Variants in DSCAML1 observed in about 807,000 individuals in gnomAD.
DSCAML1 encodes DS cell adhesion molecule like 1.
A neutral mutation model predicts 200.5 loss-of-function variants in DSCAML1; 38 were observed. That is an observed-to-expected ratio of 0.19 (90% confidence interval 0.15 to 0.25). The LOEUF is 0.25. DSCAML1 is among the 10% of genes least tolerant of loss of function. The pLI is 1.00. For missense variants in DSCAML1, 2,223 were observed against 2,858.8 expected (o/e 0.78, Z 5.07); for synonymous variants, 1,215 against 1,165.0 (o/e 1.04, Z -0.87).
chr11:117,585,398 C>T (rs2051120518), intron 3 of DSCAML1, among the ~76,000 whole-genome samples: 1 of 152,008 alleles, frequency 6.6e-6, no homozygotes, highest in Non-Finnish European at 1.5e-5. Context: ...TACAGGCGCC[C>T]ACCACCACGC....
intron 20 of DSCAML1, among the ~76,000 whole-genome samples, chr11:117,445,172 A>G (rs183740360): frequency 3.9e-5 from 6 of 152,348 alleles, no homozygotes. Context: ...TGAGAGGCCC[A>G]ATAACTTATA....
chr11:117,500,436 C>T (rs1391171725), intron 11 of DSCAML1, among the ~76,000 whole-genome samples: 1 of 152,196 alleles, frequency 6.6e-6, no homozygotes, highest in Non-Finnish European at 1.5e-5. Flanking sequence ...TGCTAGTTAT[C>T]GAATGTGTAT....
Position 117,771,460 on chromosome 11 carries a change from C to G in DSCAML1, c.511+5331G>C, listed in dbSNP as rs1364467969. Among the ~76,000 whole-genome samples the G allele has an allele frequency of 2.6e-5, 4 of 152,176 alleles. No individual in the cohort carries two copies. In the East Asian group the frequency reaches 7.7e-4, roughly 29 times the overall value. ...TTTAAGCTGGAGATCTGTTGCCCTT[C>G]AGAGGAGCCCAAGCCTCTGGTCACT... is the stretch of plus-strand genomic sequence containing the variant. On this transcript the variant is annotated intron_variant, in intron 3 of 32. Coordinates refer to ENST00000651296, the MANE Select transcript of DSCAML1 (RefSeq NM_020693.4).
At position 117,577,371 on chromosome 11, in the gene DSCAML1, G is replaced by A. The variant is rs563521809; in HGVS notation, c.512-44849C>T. ...CCACATTTAGGAACTATGTAGCCAA[G>A]TAAGATTTCCTTCCTTCCTCCCTCC... On this transcript the variant is annotated intron_variant, in intron 3 of 32. Transcript: ENST00000651296. 8.0e-4 allele frequency among the ~76,000 whole-genome samples: 122 copies of A among 152,024 alleles called. 1 individual carries two copies. Among genetic ancestry groups the A allele is most frequent in the African/African-American group, 2.7e-3 (114 of 41,478 alleles).
Position 117,518,149 on chromosome 11 carries a change from A to C in DSCAML1, c.1510+317T>G, listed in dbSNP as rs972882176. On this transcript the variant is annotated intron_variant, in intron 7 of 32. Coordinates refer to ENST00000651296, the MANE Select transcript of DSCAML1 (RefSeq NM_020693.4). The surrounding 1 kb of genome is among the most constrained non-coding windows in gnomAD (Gnocchi z 6.3). Reference sequence around the variant, plus strand: ...CAGGTGTTTAGCATACTTGGGCCCCAGAGAGATTTGATGGGGAGGAATGGG... The same window carrying C: ...CAGGTGTTTAGCATACTTGGGCCCCCGAGAGATTTGATGGGGAGGAATGGG... Among the ~76,000 whole-genome samples, 1 of 152,098 alleles carries C rather than the reference A, an allele frequency of 6.6e-6. No homozygotes were observed. The highest frequency in any genetic ancestry group is 6.5e-5 in the Admixed American group (1 of 15,274).
chr11:117,734,620 G>A (rs142838972), intron 3 of DSCAML1, among the ~76,000 whole-genome samples: 5 of 152,270 alleles, frequency 3.3e-5, no homozygotes, highest in Admixed American at 1.3e-4. Flanking sequence ...GATCTCTTCC[G>A]TAGCTTTTGT....
chr11:117,615,097 G>C (rs1200827531), intron 3 of DSCAML1, among the ~76,000 whole-genome samples: 2 of 152,194 alleles, frequency 1.3e-5, no homozygotes, highest in Non-Finnish European at 2.9e-5. Flanking sequence ...AAAAACAATA[G>C]ACTTGGAATT....
chr11:117,433,304 T>C (rs369988663), intron 28 of DSCAML1, 48 bp from the exon 29 acceptor site: 7 of 1,576,254 alleles, frequency 4.4e-6, no homozygotes, highest in Middle Eastern at 1.7e-4. Flanking sequence ...CATAAGGGGT[T>C]GGGGAAGGGG....
chr11:117,472,073 C>A, intron 14 of DSCAML1, 37 bp from the exon 15 acceptor site: 2 of 1,608,940 alleles, frequency 1.2e-6, no homozygotes, highest in African/African-American at 1.3e-5. Context: ...CATGGCCAGG[C>A]AAACTCCAGG....
At chr11:117,787,157 AGG>A (rs1265697853) in intron 1 of DSCAML1, among the ~76,000 whole-genome samples, 1 of 152,216 alleles carries the variant, frequency 6.6e-6, no homozygotes, top group Non-Finnish European at 1.5e-5. Flanking sequence ...GTGTAACCCC[AGG>A]CAAGACTGCC....
chr11:117,582,615 A>C (rs2051061821), intron 3 of DSCAML1, among the ~76,000 whole-genome samples: 1 of 152,218 alleles, frequency 6.6e-6, no homozygotes, highest in Non-Finnish European at 1.5e-5. Flanking sequence ...TGGACAGTGA[A>C]GGGGACCCTC....
chr11:117,675,495 T>TA (rs1399129118), intron 3 of DSCAML1, among the ~76,000 whole-genome samples: 22 of 147,604 alleles, frequency 1.5e-4, no homozygotes, highest in Non-Finnish European at 2.5e-4. Context: ...TTTTTTTTTT[T>TA]TTTTAGAGAC....
intron 4 of DSCAML1, among the ~76,000 whole-genome samples, chr11:117,530,717 T>G (rs891101334): frequency 1.3e-5 from 2 of 151,964 alleles, no homozygotes; most frequent in African/African-American, 2.4e-5. Context: ...AGAGTCTCTG[T>G]GGGTCAGGGC....
At chr11:117,802,030 T>C (rs2055664401), upstream of DSCAML1, 1 of 152,180 alleles carries the variant, frequency 6.6e-6, no homozygotes, top group African/African-American at 2.4e-5. Flanking sequence ...GTGGAAGGTA[T>C]GGAAACTAAG....
At chr11:117,765,190 T>C (rs974354985) in intron 3 of DSCAML1, among the ~76,000 whole-genome samples, 3 of 152,206 alleles carry the variant, frequency 2.0e-5, no homozygotes, top group African/African-American at 7.2e-5. Context: ...CTGCCCTCCA[T>C]ACTGGGATGC....
intron 3 of DSCAML1, among the ~76,000 whole-genome samples, chr11:117,610,599 C>A (rs575685087): frequency 2.2e-4 from 34 of 152,030 alleles, no homozygotes; most frequent in African/African-American, 8.2e-4. Flanking sequence ...ATGGACCTCC[C>A]ACAGCCAGAC....
intron 3 of DSCAML1, among the ~76,000 whole-genome samples, chr11:117,545,309 G>A (rs1335880619): frequency 1.3e-5 from 2 of 151,956 alleles, no homozygotes; most frequent in Non-Finnish European, 2.9e-5. Flanking sequence ...TGAGGACACA[G>A]CGAGAAGGTG....
At chr11:117,513,666 A>G (rs992710464) in intron 8 of DSCAML1, among the ~76,000 whole-genome samples, 3 of 149,718 alleles carry the variant, frequency 2.0e-5, no homozygotes, top group Non-Finnish European at 4.4e-5. Flanking sequence ...GCTTGAAACC[A>G]GGAGGAGGAG....
At chr11:117,721,434 A>G (rs2054039591) in intron 3 of DSCAML1, among the ~76,000 whole-genome samples, 1 of 152,106 alleles carries the variant, frequency 6.6e-6, no homozygotes, top group Non-Finnish European at 1.5e-5. Context: ...GGGTATTCCA[A>G]CCATCCCTCA....
Sources: allele counts gnomAD v4.1 joint callset (sites outside exome capture counted in the v4.1 genomes callset), GRCh38; gene constraint gnomAD v4.1.1; non-coding constraint Gnocchi (gnomAD v3.1); transcripts MANE v1.5; gene names NCBI Gene and HGNC (gene_info 2026-07-23, HGNC 2026-07-21).